PTPRM: variants seen among roughly 807,000 people sequenced by gnomAD.
The protein encoded by PTPRM is protein tyrosine phosphatase receptor type M, also known as receptor-type tyrosine-protein phosphatase mu.
A neutral mutation model predicts 186.7 loss-of-function variants in PTPRM; 47 were observed. The ratio of observed to expected loss-of-function variants is 0.25; its 90% CI spans 0.20 to 0.32. The LOEUF is 0.32. Ranked by LOEUF, PTPRM falls within the 10% of genes least tolerant of loss-of-function variation. PTPRM has a pLI of 1.00. For synonymous variants in PTPRM, 668 were observed against 674.9 expected, an observed-to-expected ratio of 0.99 and a Z score of 0.16; for missense variants, 1,494 against 1,865.0, an observed-to-expected ratio of 0.80 and a Z score of 3.66.
intron 2 of PTPRM, among the ~76,000 whole-genome samples, chr18:7,881,301 G>A (rs2048494013): frequency 6.6e-6 from 1 of 152,040 alleles, no homozygotes; most frequent in Non-Finnish European, 1.5e-5. Context: ...TGGACACAGT[G>A]GTGCGTGCTT....
chr18:8,180,990 T>TA (rs1419452814), intron 14 of PTPRM, among the ~76,000 whole-genome samples: 8 of 152,304 alleles, frequency 5.3e-5, no homozygotes, highest in African/African-American at 1.7e-4. Flanking sequence ...ACTAGCTACC[T>TA]ACTGTGACAC....
Position 7,567,681 on chromosome 18 carries a change from G to A in PTPRM, c.-138G>A, listed in dbSNP as rs2036458118. On this transcript the variant is annotated 5_prime_UTR_variant, in exon 1 of 33. Transcript: ENST00000580170. The surrounding 1 kb of genome is among the most constrained non-coding windows in gnomAD (Gnocchi z 4.3). ...GGAGTTCGGACTTCTGCAACTGTTGGCACTTTGGGGGCTTGGCTTAGCGCT... is the reference window on the plus strand; with the variant it reads ...GGAGTTCGGACTTCTGCAACTGTTGACACTTTGGGGGCTTGGCTTAGCGCT... 2.5e-5 allele frequency: 18 copies of A among 720,678 alleles called. No individual in the cohort carries two copies. The highest frequency in any genetic ancestry group is 3.3e-5 in the Non-Finnish European group (16 of 482,066). 44.6% of individuals were successfully genotyped at this position (720,678 alleles called of 1,614,324 possible). A position where few individuals can be genotyped will look rare whatever the true frequency, so the allele number is the denominator to read the frequency against.
intron 3 of PTPRM, among the ~76,000 whole-genome samples, chr18:7,895,523 G>A (rs1044194894): frequency 6.6e-6 from 1 of 152,174 alleles, no homozygotes; most frequent in Admixed American, 6.5e-5. Context: ...GTGAGGTTCT[G>A]TGAGGGTCCG....
chr18:8,021,459 C>T (rs2085229827), intron 7 of PTPRM, among the ~76,000 whole-genome samples: 1 of 151,578 alleles, frequency 6.6e-6, no homozygotes, highest in Non-Finnish European at 1.5e-5. Context: ...CCTATCAACC[C>T]GTCATCTAGA....
chr18:8,379,092 C>A, intron 27 of PTPRM, 75 bp from the exon 28 acceptor site: 1 of 1,309,342 alleles, frequency 7.6e-7, no homozygotes, highest in Non-Finnish European at 1.0e-6. Context: ...AAGTTTGCAT[C>A]TTTCGAAAAC....
At chr18:7,804,256 T>C (rs2044123382) in intron 2 of PTPRM, among the ~76,000 whole-genome samples, 1 of 151,268 alleles carries the variant, frequency 6.6e-6, no homozygotes, top group African/African-American at 2.4e-5. Flanking sequence ...CTGAGGGGGG[T>C]GGGCTGGCAG....
intron 13 of PTPRM, among the ~76,000 whole-genome samples, chr18:8,125,584 C>T (rs913314693): frequency 1.3e-5 from 2 of 151,818 alleles, no homozygotes; most frequent in African/African-American, 2.4e-5. Context: ...GATTTCATTT[C>T]CCGTTAATGA....
rs539288929 is a variant in PTPRM at position 8,319,593 on chromosome 18, C to G, written c.2956+379C>G. Among the ~76,000 whole-genome samples, 15 of 152,338 alleles carry G rather than the reference C, an allele frequency of 9.8e-5. No individual in the cohort carries two copies. In the East Asian group the frequency reaches 2.7e-3, roughly 27 times the overall value. On this transcript the variant is annotated intron_variant, in intron 22 of 32. Coordinates refer to ENST00000580170, the MANE Select transcript of PTPRM (RefSeq NM_001105244.2). ...GGCTGAATCCAGCAAGCACCCCCTTCTCACAGTGGTTGTGTTTAGTGGGGA... is the reference window on the plus strand; with the variant it reads ...GGCTGAATCCAGCAAGCACCCCCTTGTCACAGTGGTTGTGTTTAGTGGGGA...
At chr18:7,592,859 C>A (rs2037163133) in intron 1 of PTPRM, among the ~76,000 whole-genome samples, 1 of 152,058 alleles carries the variant, frequency 6.6e-6, no homozygotes, top group South Asian at 2.1e-4. Flanking sequence ...CGAGACAGAA[C>A]ATAGCCCTTT....
At chr18:7,610,061 G>A (rs1490211864) in intron 1 of PTPRM, among the ~76,000 whole-genome samples, 1 of 152,120 alleles carries the variant, frequency 6.6e-6, no homozygotes, top group South Asian at 2.1e-4. Flanking sequence ...AGATAAAGTG[G>A]GATAGGAAAG....
chr18:7,839,045 C>T (rs1047909282), intron 2 of PTPRM, among the ~76,000 whole-genome samples: 5 of 152,110 alleles, frequency 3.3e-5, no homozygotes, highest in African/African-American at 1.2e-4. Context: ...GCTGCCTTGA[C>T]TCTTGGATAG....
At chr18:8,235,476 T>TTTTTTTTTG (rs1481569126) in intron 14 of PTPRM, among the ~76,000 whole-genome samples, 42 of 136,770 alleles carry the variant, frequency 3.1e-4, no homozygotes, top group South Asian at 9.0e-4. Context: ...TTTTTTTTTT[T>TTTTTTTTTG]TTTAGCCTGG....
At chr18:8,167,305 A>G (rs1417916911) in intron 14 of PTPRM, among the ~76,000 whole-genome samples, 1 of 152,168 alleles carries the variant, frequency 6.6e-6, no homozygotes, top group Non-Finnish European at 1.5e-5. Flanking sequence ...ACCACATGGC[A>G]TTAGGCCAGA....
At chr18:7,589,599 A>G (rs1371404366) in intron 1 of PTPRM, among the ~76,000 whole-genome samples, 1 of 152,178 alleles carries the variant, frequency 6.6e-6, no homozygotes, top group Non-Finnish European at 1.5e-5. Flanking sequence ...AAGCTGGTGA[A>G]TTCTGGTTTA....
At chr18:8,137,627 C>T (rs2092667488) in intron 13 of PTPRM, among the ~76,000 whole-genome samples, 1 of 152,150 alleles carries the variant, frequency 6.6e-6, no homozygotes, top group African/African-American at 2.4e-5. Flanking sequence ...GCTGTCCTAC[C>T]CAGTGAGCAA....
intron 14 of PTPRM, among the ~76,000 whole-genome samples, chr18:8,174,474 G>A (rs1013845910): frequency 6.6e-6 from 1 of 152,104 alleles, no homozygotes; most frequent in Admixed American, 6.5e-5. Context: ...TGGGTTTGAG[G>A]TTTTACAATG....
At chr18:8,384,751 T>G (rs932089338) in intron 30 of PTPRM, 65 bp downstream of exon 30, 1 of 1,586,546 alleles carries the variant, frequency 6.3e-7, no homozygotes, top group Non-Finnish European at 8.6e-7. Flanking sequence ...ACTGAATACT[T>G]GGAGCACTCA....
chr18:7,660,904 G>A (rs1464100184), intron 1 of PTPRM, among the ~76,000 whole-genome samples: 1 of 152,042 alleles, frequency 6.6e-6, no homozygotes, highest in Non-Finnish European at 1.5e-5. Flanking sequence ...CTGGGAGATG[G>A]AGGTTGCAGT....
intron 1 of PTPRM, among the ~76,000 whole-genome samples, chr18:7,739,987 T>G (rs1308312104): frequency 2.0e-5 from 3 of 152,252 alleles, no homozygotes; most frequent in Non-Finnish European, 4.4e-5. Context: ...TTACAGTCTC[T>G]GTTAGCCACA....
Sources: allele counts gnomAD v4.1 joint callset (sites outside exome capture counted in the v4.1 genomes callset), GRCh38; gene constraint gnomAD v4.1.1; non-coding constraint Gnocchi (gnomAD v3.1); transcripts MANE v1.5; gene names NCBI Gene and HGNC (gene_info 2026-07-23, HGNC 2026-07-21).